DACH1: variants seen among roughly 807,000 people sequenced by gnomAD.
DACH1 encodes dachshund homolog 1.
A neutral mutation model predicts 54.2 loss-of-function variants in DACH1; 12 were observed. That is an observed-to-expected ratio of 0.22 (90% CI 0.14 to 0.36). The LOEUF is 0.36. Among genes scored for constraint, DACH1 ranks in the 10% least tolerant of loss-of-function variants. The pLI, the probability that DACH1 is intolerant of heterozygous loss-of-function variation, is 1.00. For synonymous variants in DACH1, 386 were observed against 366.2 expected (o/e 1.05, Z -0.62); for missense variants, 805 against 929.8 (o/e 0.87, Z 1.75).
At position 71,866,164 on chromosome 13, in the gene DACH1, C is replaced by T. The variant is rs761486609; in HGVS notation, c.606G>A (p.Thr202=). The T allele has an allele frequency of 1.8e-5, 29 of 1,612,858 alleles. No individual in the cohort carries two copies. Among genetic ancestry groups the T allele is most frequent in the African/African-American group, 2.7e-5 (2 of 74,820 alleles). ...GGCAGATCAGCTCGCAGCCCTCCACCGTGAAGGAAGCCACTTTGGCCCCCC... is the reference window on the plus strand; with the variant it reads ...GGCAGATCAGCTCGCAGCCCTCCACTGTGAAGGAAGCCACTTTGGCCCCCC... The part of the protein sequence containing the change: ...DLRGAKVASF[T]VEGCELICLP... Residue 202 remains threonine, a synonymous_variant, in exon 1 of 11, where the codon ACG becomes ACA. Transcript: ENST00000613252.
chr13:71,573,254 C>T lies in DACH1; in HGVS notation c.1127-242G>A, dbSNP rs117578419. Among the ~76,000 whole-genome samples the T allele has an allele frequency of 1.1e-4, 16 of 152,182 alleles. No individual in the cohort carries two copies. The East Asian group carries it at 2.7e-3, about 26-fold the overall frequency. ...ATGGTCAATTCTTTGCTATATTATT[C>T]CTATAATCAGTCTGAATCTTGCTTA... On this transcript the variant is annotated intron_variant, in intron 3 of 10. Transcript: ENST00000613252.
intron 10 of DACH1, among the ~76,000 whole-genome samples, chr13:71,455,370 A>G (rs992594308): frequency 6.6e-5 from 10 of 152,076 alleles, no homozygotes; most frequent in African/African-American, 2.4e-4. Flanking sequence ...AGATATATCC[A>G]TATCTACCTA....
At chr13:71,822,500 A>T (rs954395503) in intron 1 of DACH1, among the ~76,000 whole-genome samples, 2 of 152,184 alleles carry the variant, frequency 1.3e-5, no homozygotes, top group Non-Finnish European at 2.9e-5. Context: ...ATTATGTTGA[A>T]CACACTGCAT....
At chr13:71,750,790 A>T (rs757141302) in intron 1 of DACH1, among the ~76,000 whole-genome samples, 1 of 152,204 alleles carries the variant, frequency 6.6e-6, no homozygotes, top group Non-Finnish European at 1.5e-5. Context: ...ATAAGAAAAC[A>T]GCAATATGTA....
At chr13:71,748,906 T>TTCTTTC (rs1566476953) in intron 1 of DACH1, among the ~76,000 whole-genome samples, 12 of 35,272 alleles carry the variant, frequency 3.4e-4, no homozygotes, top group African/African-American at 4.2e-4. Context: ...TTCTCTTTCT[T>TTCTTTC]TCTTTCTTTC....
chr13:71,552,792 AATATATATAT>A (rs1160125775), intron 6 of DACH1, among the ~76,000 whole-genome samples: 317 of 17,542 alleles, frequency 0.018, 8 homozygotes, highest in South Asian at 0.027. Flanking sequence ...TATGGATGTG[AATATATATAT>A]ATATATATAT....
At chr13:71,833,710 G>A (rs180832951) in intron 1 of DACH1, among the ~76,000 whole-genome samples, 2 of 151,878 alleles carry the variant, frequency 1.3e-5, no homozygotes, top group African/African-American at 2.4e-5. Context: ...AGTGAGAGAC[G>A]CCACTTAAAG....
chr13:71,480,548 ACTTCT>A (rs1445781795), intron 7 of DACH1, among the ~76,000 whole-genome samples: 2 of 152,170 alleles, frequency 1.3e-5, no homozygotes, highest in Non-Finnish European at 1.5e-5. Context: ...TAGAGCTAAA[ACTTCT>A]CTTCAATTCA....
In DACH1 at chr13:71,866,311, ACTGCTGCTG is replaced by A. The variant is rs751513415; in HGVS notation, c.450_458del (p.Ser161_Ser163del). Reference sequence around the variant, plus strand: ...TGCTGCTACTGCTGCTGCTGCTACTACTGCTGCTGCTGCTGCTGCTGCTACTGCTGCTGC... The same window carrying A: ...TGCTGCTACTGCTGCTGCTGCTACTACTGCTGCTGCTGCTACTGCTGCTGC... On this transcript the variant is annotated inframe_deletion, in exon 1 of 11. Transcript: ENST00000613252. 78 of 1,541,624 alleles carry A rather than the reference ACTGCTGCTG, an allele frequency of 5.1e-5. No homozygotes were observed. The highest frequency in any genetic ancestry group is 1.9e-4 in the Middle Eastern group (1 of 5,130).
chr13:71,804,404 T>A (rs1360377013), intron 1 of DACH1, among the ~76,000 whole-genome samples: 1 of 152,128 alleles, frequency 6.6e-6, no homozygotes, highest in Non-Finnish European at 1.5e-5. Context: ...TTCCTTCTCT[T>A]ACCACTGCGA....
intron 6 of DACH1, among the ~76,000 whole-genome samples, chr13:71,552,785 G>A (rs1272333509): frequency 2.2e-4 from 9 of 41,734 alleles, no homozygotes; most frequent in East Asian, 6.4e-4. Context: ...ATATATATAT[G>A]GATGTGAATA....
intron 1 of DACH1, among the ~76,000 whole-genome samples, chr13:71,812,102 C>G (rs975119785): frequency 6.6e-6 from 1 of 152,042 alleles, no homozygotes; most frequent in East Asian, 1.9e-4. Flanking sequence ...TTTATTTTTA[C>G]TCTGGATTTA....
chr13:71,813,644 A>G (rs184264107), intron 1 of DACH1, among the ~76,000 whole-genome samples: 1 of 152,280 alleles, frequency 6.6e-6, no homozygotes, highest in East Asian at 1.9e-4. Context: ...ATCTCATTTG[A>G]CTAGTTCTCA....
chr13:71,705,670 A>G (rs1170642661), intron 1 of DACH1, among the ~76,000 whole-genome samples: 1 of 152,180 alleles, frequency 6.6e-6, no homozygotes, highest in Non-Finnish European at 1.5e-5. Flanking sequence ...TTCCATAGCA[A>G]AAACTTGGGA....
In DACH1 at chr13:71,630,565, A is replaced by G; in HGVS notation, c.1117T>C (p.Ser373Pro). The change falls in exon 3 of 11, where the codon TCA becomes CCA. Residue 373 changes from serine (S) to proline (P), a missense_variant. By Grantham distance (74) the Ser-to-Pro change is moderately conservative. Transcript: ENST00000613252. ...GADSENGDMN[S>P]SVGLELPFMM... ...CGAACATAAAACTTACCGACACTTG[A>G]ATTCATGTCCCCGTTTTCAGAGTCT... 1 of 1,589,556 alleles carries G rather than the reference A, an allele frequency of 6.3e-7. No individual in the cohort carries two copies. Among genetic ancestry groups the G allele is most frequent in the Non-Finnish European group, 8.5e-7 (1 of 1,172,782 alleles).
rs112880402 is a variant in DACH1, at chr13:71,649,256, G to A, written c.965-18539C>T. On this transcript the variant is annotated intron_variant, in intron 2 of 10. Transcript: ENST00000613252. ...AGTAAGCTATACCACCTAGGTTTGT[G>A]TAAGTACGCTCAACGATGCACACAC... is the stretch of plus-strand genomic sequence containing the variant. Among the ~76,000 whole-genome samples, 145 of 152,266 alleles carry A rather than the reference G, an allele frequency of 9.5e-4. 1 individual carries two copies. The highest frequency in any genetic ancestry group is 3.3e-3 in the African/African-American group (139 of 41,552).
At chr13:71,528,690 G>T (rs992263601) in intron 6 of DACH1, among the ~76,000 whole-genome samples, 3 of 151,918 alleles carry the variant, frequency 2.0e-5, no homozygotes, top group Non-Finnish European at 4.4e-5. Context: ...CGGAAAAACA[G>T]ATTTTAACAT....
intron 10 of DACH1, among the ~76,000 whole-genome samples, chr13:71,443,964 C>T (rs968761725): frequency 3.9e-5 from 6 of 152,044 alleles, no homozygotes; most frequent in South Asian, 2.1e-4. Context: ...TGATTTCTTC[C>T]GTTTGCTTAG....
In DACH1 at chr13:71,630,540, C is replaced by A; in HGVS notation, c.1126+16G>T. ...GCAAAGTGATCACAATAAGTTTCAG[C>A]GAACATAAAACTTACCGACACTTGA... On this transcript the variant is annotated intron_variant, in intron 3 of 10. Coordinates refer to ENST00000613252, the MANE Select transcript of DACH1 (RefSeq NM_080759.6). The A allele has an allele frequency of 3.8e-6, 6 of 1,565,620 alleles. No individual in the cohort carries two copies. The highest frequency in any genetic ancestry group is 5.2e-6 in the Non-Finnish European group (6 of 1,160,884).
Sources: gnomAD v4.1 joint callset for allele counts (sites outside exome capture counted in the v4.1 genomes callset) on GRCh38, gnomAD v4.1.1 for gene constraint, MANE v1.5 for transcripts, NCBI Gene and HGNC (gene_info 2026-07-23, HGNC 2026-07-21) for gene names.